The following PRKG1 variants were observed in gnomAD, a reference collection of about 807,000 sequenced individuals.
PRKG1 encodes protein kinase cGMP-dependent 1.
In PRKG1, 35 loss-of-function variants were observed where a neutral mutation model predicts 88.1. That is an observed-to-expected ratio of 0.40 (90% CI 0.30 to 0.53). The LOEUF is 0.53. Among genes scored for constraint, PRKG1 ranks in the 20% least tolerant of loss-of-function variants. The pLI, the probability that PRKG1 is intolerant of heterozygous loss-of-function variation, is 0.59. For synonymous variants in PRKG1, 303 were observed against 292.5 expected, an observed-to-expected ratio of 1.04 and a Z score of -0.37; for missense variants, 540 against 839.8, an observed-to-expected ratio of 0.64 and a Z score of 4.41.
At chr10:51,635,479 T>TC (rs1171803171) in intron 3 of PRKG1, among the ~76,000 whole-genome samples, 3 of 152,052 alleles carry the variant, frequency 2.0e-5, no homozygotes, top group Admixed American at 2.0e-4. Flanking sequence ...TTAAATAAAT[T>TC]TTTTTTCTTC....
chr10:51,762,028 G>A (rs990544824), intron 3 of PRKG1, among the ~76,000 whole-genome samples: 3 of 151,864 alleles, frequency 2.0e-5, no homozygotes, highest in Non-Finnish European at 4.4e-5. Flanking sequence ...ATTAAATTAT[G>A]GATTGTGTTT....
At chr10:51,174,461 C>T (rs1837138256) in intron 2 of PRKG1, among the ~76,000 whole-genome samples, 1 of 151,904 alleles carries the variant, frequency 6.6e-6, no homozygotes, top group Non-Finnish European at 1.5e-5. Flanking sequence ...TTATATCAGT[C>T]TCAAGAAGTG....
chr10:51,030,337 G>A (rs954283935), intron 1 of PRKG1, among the ~76,000 whole-genome samples: 17 of 151,832 alleles, frequency 1.1e-4, no homozygotes, highest in East Asian at 1.9e-4. Context: ...TCATTGTCAC[G>A]TTTTCACTTG....
At position 51,465,620 on chromosome 10, in the gene PRKG1, T is replaced by C. The variant is rs557647793; in HGVS notation, c.479-2103T>C. Among the ~76,000 whole-genome samples the C allele has an allele frequency of 5.3e-5, 8 of 152,284 alleles. No homozygotes were observed. In the South Asian group the frequency reaches 1.7e-3, roughly 32 times the overall value. On this transcript the variant is annotated intron_variant, in intron 2 of 17. Transcript: ENST00000373980. The stretch of plus-strand genomic sequence containing the variant: ...AAGCCATTGCATTAATCTAGGAAGA[T>C]TGGTATGATTTTCTGAGCTTCTATT...
intron 3 of PRKG1, among the ~76,000 whole-genome samples, chr10:51,581,125 G>T (rs924574681): frequency 4.6e-5 from 7 of 152,250 alleles, no homozygotes; most frequent in African/African-American, 1.4e-4. Flanking sequence ...ATTTGACTAT[G>T]AGGTGAGATG....
At chr10:51,405,968 G>A (rs1305494954) in intron 2 of PRKG1, among the ~76,000 whole-genome samples, 1 of 152,176 alleles carries the variant, frequency 6.6e-6, no homozygotes, top group Non-Finnish European at 1.5e-5. Context: ...GTAGCAAGCA[G>A]TGTTTTGCAA....
chr10:51,305,108 GTGAGTCACAGGAC>G (rs1841002134), intron 2 of PRKG1, among the ~76,000 whole-genome samples: 1 of 152,150 alleles, frequency 6.6e-6, no homozygotes, highest in Non-Finnish European at 1.5e-5. Flanking sequence ...TGGGGATGGA[GTGAGTCACAGGAC>G]TGAGCTTGCA....
At chr10:51,166,907 A>G (rs1357154469) in intron 2 of PRKG1, among the ~76,000 whole-genome samples, 1 of 152,218 alleles carries the variant, frequency 6.6e-6, no homozygotes, top group African/African-American at 2.4e-5. Flanking sequence ...CAAAGAAAGT[A>G]TATAATGAAC....
chr10:51,600,963 GGAA>G (rs1261672453), intron 3 of PRKG1, among the ~76,000 whole-genome samples: 1 of 145,044 alleles, frequency 6.9e-6, no homozygotes, highest in Non-Finnish European at 1.5e-5. Context: ...TGAAGAAGGA[GGAA>G]GAAGGAGAGA....
rs16928850 is a variant in PRKG1, at chr10:52,282,494, G to A, written c.1709+178G>A. Among the ~76,000 whole-genome samples, 3,539 of 152,072 alleles carry A rather than the reference G, an allele frequency of 0.023. 115 individuals carry two copies. Among genetic ancestry groups the A allele is most frequent in the African/African-American group, 0.077 (3,205 of 41,510 alleles). On this transcript the variant is annotated intron_variant, in intron 14 of 17. Coordinates refer to ENST00000373980, the MANE Select transcript of PRKG1 (RefSeq NM_006258.4). ...TAATGTAAGGTATAAAATAGTCCAG[G>A]CTAGGGCAACCACCTGAACACTAAC...
chr10:51,284,865 C>CTGTTTT (rs1840393664), intron 2 of PRKG1, among the ~76,000 whole-genome samples: 1 of 51,698 alleles, frequency 1.9e-5, no homozygotes, highest in African/African-American at 7.2e-5. Flanking sequence ...GTTGTGGGTA[C>CTGTTTT]TTTTTTTTTT....
rs151296919 is a variant in PRKG1, at chr10:52,057,195, A to G, written c.840+2634A>G. 4.4e-3 allele frequency among the ~76,000 whole-genome samples: 671 copies of G among 152,346 alleles called. 5 individuals are homozygous for G. The highest frequency in any genetic ancestry group is 0.01 in the Middle Eastern group (3 of 294). On this transcript the variant is annotated intron_variant, in intron 6 of 17. Coordinates refer to ENST00000373980, the MANE Select transcript of PRKG1 (RefSeq NM_006258.4). ...GCTACAAATGAAATTCCCCTTGTTCAGTTCCACTTATTTAAGTGTAAAACA... is the reference window on the plus strand; with the variant it reads ...GCTACAAATGAAATTCCCCTTGTTCGGTTCCACTTATTTAAGTGTAAAACA...
At chr10:51,326,966 G>A (rs1841608335) in intron 2 of PRKG1, among the ~76,000 whole-genome samples, 1 of 152,192 alleles carries the variant, frequency 6.6e-6, no homozygotes, top group Admixed American at 6.5e-5. Flanking sequence ...CATGAAAATA[G>A]TATCTCTACC....
intron 4 of PRKG1, among the ~76,000 whole-genome samples, chr10:51,844,490 CT>C (rs1308661278): frequency 7.2e-5 from 11 of 152,104 alleles, no homozygotes; most frequent in Admixed American, 2.6e-4. Flanking sequence ...CTATTACTAA[CT>C]TTAATAGATT....
intron 5 of PRKG1, among the ~76,000 whole-genome samples, chr10:51,956,878 A>T (rs934500370): frequency 3.3e-5 from 5 of 152,130 alleles, no homozygotes; most frequent in African/African-American, 1.2e-4. Flanking sequence ...TCTATATGTT[A>T]CTAGCCCTGA....
intron 5 of PRKG1, among the ~76,000 whole-genome samples, chr10:51,949,937 G>A (rs529558048): frequency 2.6e-5 from 4 of 152,112 alleles, no homozygotes; most frequent in South Asian, 2.1e-4. Flanking sequence ...TCCAAGGAGC[G>A]CTTGGGTGAA....
chr10:51,881,178 G>A (rs2132879538), intron 4 of PRKG1, among the ~76,000 whole-genome samples: 1 of 151,912 alleles, frequency 6.6e-6, no homozygotes, highest in Middle Eastern at 3.4e-3. Context: ...ATGAAGGGGA[G>A]AGGGCTGAAA....
Position 51,790,061 on chromosome 10 carries a change from A to T in PRKG1, c.593-14524A>T, listed in dbSNP as rs1279597679. 5.9e-5 allele frequency among the ~76,000 whole-genome samples: 9 copies of T among 152,062 alleles called. No individual in the cohort carries two copies. The East Asian group carries it at 1.7e-3, about 29-fold the overall frequency. ...TGATGTCGAACTCCTGACCCCAAGT[A>T]ATCTGCCTGCCTTGGCCTGCCAAAG... On this transcript the variant is annotated intron_variant, in intron 3 of 17. Coordinates refer to ENST00000373980, the MANE Select transcript of PRKG1 (RefSeq NM_006258.4).
chr10:51,873,064 A>G (rs1036449188), intron 4 of PRKG1, among the ~76,000 whole-genome samples: 3 of 152,176 alleles, frequency 2.0e-5, no homozygotes, highest in Admixed American at 6.5e-5. Flanking sequence ...TGGAATTCAC[A>G]TGTAATAATA....
Sources: allele counts gnomAD v4.1 joint callset (sites outside exome capture counted in the v4.1 genomes callset), GRCh38; gene constraint gnomAD v4.1.1; transcripts MANE v1.5; gene names NCBI Gene and HGNC (gene_info 2026-07-23, HGNC 2026-07-21).